ZNF114: variants seen among roughly 807,000 people sequenced by gnomAD.
ZNF114 encodes zinc finger protein 114.
ZNF114 carries 8 observed loss-of-function variants against 6.8 expected under a neutral mutation model. That is an observed-to-expected ratio of 1.18 (90% confidence interval 0.69 to 2.13). ZNF114 has a LOEUF of 2.13. Among genes scored for constraint, ZNF114 ranks in the 30% most tolerant of loss-of-function variants. The pLI is 0.00. For missense variants in ZNF114, 472 were observed against 519.5 expected, an observed-to-expected ratio of 0.91 and a Z score of 0.89; for synonymous variants, 169 against 185.5, an observed-to-expected ratio of 0.91 and a Z score of 0.72.
At chr19:48,285,734 T>C in intron 5 of ZNF114, 27 bp from the exon 6 acceptor site, 1 of 1,572,144 alleles carries the variant, frequency 6.4e-7, no homozygotes, top group Non-Finnish European at 8.6e-7. Context: ...CAACAAAGAA[T>C]TTAACTTTTG....
In ZNF114 at chr19:48,275,419, AAC is replaced by A. The variant is rs58275965; in HGVS notation, c.-70+3629_-70+3630del. 9.6e-3 allele frequency among the ~76,000 whole-genome samples: 1,277 copies of A among 133,150 alleles called. 13 individuals are homozygous for A. The highest frequency in any genetic ancestry group is 0.027 in the African/African-American group (908 of 33,424). 87.4% of individuals were successfully genotyped at this position (133,150 alleles called of 152,430 possible). A position where few individuals can be genotyped will look rare whatever the true frequency, so the allele number is the denominator to read the frequency against. On this transcript the variant is annotated intron_variant, in intron 3 of 5. Transcript: ENST00000595607. ...CATGATGAAGTCCTGTCTCTACTAA[AAC>A]ACACACACACACACACACACACACA...
At chr19:48,274,481 T>C (rs1172227125) in intron 3 of ZNF114, among the ~76,000 whole-genome samples, 89 of 63,044 alleles carry the variant, frequency 1.4e-3, no homozygotes, top group African/African-American at 4.3e-3. Flanking sequence ...GAAAAAAACT[T>C]TTATATATAT....
intron 3 of ZNF114, among the ~76,000 whole-genome samples, chr19:48,274,584 G>A (rs1329479191): frequency 6.7e-6 from 1 of 149,710 alleles, no homozygotes; most frequent in African/African-American, 2.5e-5. Flanking sequence ...TCGTCTCACC[G>A]CAACCTCTGC....
intron 3 of ZNF114, among the ~76,000 whole-genome samples, chr19:48,272,212 ACCAG>A (rs1293564568): frequency 6.6e-6 from 1 of 152,008 alleles, no homozygotes; most frequent in Non-Finnish European, 1.5e-5. Context: ...GGAGTTCGAG[ACCAG>A]CCTGGCCAAC....
Position 48,286,708 on chromosome 19 carries a change from GA to G in ZNF114, c.1086del (p.Glu362AspfsTer18). The G allele has an allele frequency of 6.2e-7, 1 of 1,613,502 alleles. No homozygotes were observed. Among genetic ancestry groups the G allele is most frequent in the South Asian group, 1.1e-5 (1 of 90,872 alleles). On this transcript the variant is annotated frameshift_variant, in exon 6 of 6. Transcript: ENST00000595607. LOFTEE classifies it low-confidence loss of function (END_TRUNC). ...GCATGTTGTGCAGAAGAAGCCCTAC[GA>G]ATGTGAAGAATGTGGGAAAGTCATT... The part of the protein sequence containing the change: ...RKHVVQKKPY[E>X]CEECGKVIRE...
chr19:48,272,699 G>A (rs1312517426), intron 3 of ZNF114, among the ~76,000 whole-genome samples: 182 of 74,802 alleles, frequency 2.4e-3, no homozygotes, highest in Non-Finnish European at 3.0e-3. Context: ...AAAAAAAAAA[G>A]TATTGGATTG....
At position 48,279,996 on chromosome 19, in the gene ZNF114, C is replaced by A. The variant is rs577808187; in HGVS notation, c.9+188C>A. Among the ~76,000 whole-genome samples, 15 of 152,218 alleles carry A rather than the reference C, an allele frequency of 9.9e-5. No individual in the cohort carries two copies. In the South Asian group the frequency reaches 2.5e-3, roughly 25 times the overall value. ...TGCCCTGGGGATTCTCCTGGGACCA[C>A]CCCCACCCCAGTACTGACTGGTCCT... On this transcript the variant is annotated intron_variant, in intron 4 of 5. Coordinates refer to ENST00000595607, the MANE Select transcript of ZNF114 (RefSeq NM_153608.4).
At chr19:48,281,687 C>G (rs886621121) in intron 4 of ZNF114, 3 of 150,288 alleles carry the variant, frequency 2.0e-5, no homozygotes, top group Admixed American at 1.3e-4. Context: ...CCCACACTCA[C>G]GGGTAATTTT....
chr19:48,271,995 A>G (rs745986880), intron 3 of ZNF114, among the ~76,000 whole-genome samples, 167 bp downstream of exon 3: 26 of 152,346 alleles, frequency 1.7e-4, no homozygotes, highest in Non-Finnish European at 2.8e-4. Flanking sequence ...ACCTTGGCCC[A>G]GGGAGAAGGG....
Position 48,286,089 on chromosome 19 carries a change from A to G in ZNF114, c.465A>G (p.Ser155=), listed in dbSNP as rs746579445. Residue 155 remains serine, a synonymous_variant, in exon 6 of 6, where the codon TCA becomes TCG. Transcript: ENST00000595607. The part of the protein sequence containing the change: ...SIRQCILTRD[S]SIFKYNPVLN... Reference sequence around the variant, plus strand: ...GACAATGTATCCTAACACGTGACTCAAGTATTTTCAAGTATAATCCTGTCT... The same window carrying G: ...GACAATGTATCCTAACACGTGACTCGAGTATTTTCAAGTATAATCCTGTCT... 3 of 1,614,126 alleles carry G rather than the reference A, an allele frequency of 1.9e-6. No individual in the cohort carries two copies. The highest frequency in any genetic ancestry group is 2.5e-6 in the Non-Finnish European group (3 of 1,180,046).
intron 3 of ZNF114, 109 bp from the exon 4 acceptor site, chr19:48,279,620 AGT>A (rs1967940259): frequency 3.0e-6 from 2 of 661,522 alleles, no homozygotes; most frequent in African/African-American, 3.6e-5. Context: ...GTGGTGGGGA[AGT>A]GTGTGCACAC....
At chr19:48,277,569 C>T (rs1967867395) in intron 3 of ZNF114, among the ~76,000 whole-genome samples, 1 of 152,072 alleles carries the variant, frequency 6.6e-6, no homozygotes. Flanking sequence ...CCATCAATTG[C>T]AATGATTCAC....
chr19:48,273,410 CTT>C (rs3077996), intron 3 of ZNF114, among the ~76,000 whole-genome samples: 39,102 of 145,272 alleles, frequency 0.27, 5,485 homozygotes, highest in East Asian at 0.41. Context: ...CGTTGTTTTT[CTT>C]TTTCTTTTCT....
rs779856166 is a variant in ZNF114, at chr19:48,286,497, C to G, written c.873C>G (p.Ser291=). Residue 291 remains serine (S), a synonymous_variant, in exon 6 of 6, where the codon TCC becomes TCG. Transcript: ENST00000595607. ...CAACCTCTGCCAACGCTCCAAATTCCGGTTCACACAAGAGTCATTGCACTG... is the reference window on the plus strand; with the variant it reads ...CAACCTCTGCCAACGCTCCAAATTCGGGTTCACACAAGAGTCATTGCACTG... ...TGATSANAPN[S]GSHKSHCTGE... 1 of 1,614,144 alleles carries G rather than the reference C, an allele frequency of 6.2e-7. No homozygotes were observed. Among genetic ancestry groups the G allele is most frequent in the South Asian group, 1.1e-5 (1 of 91,070 alleles).
At position 48,286,051 on chromosome 19, in the gene ZNF114, G is replaced by A; in HGVS notation, c.427G>A (p.Gly143Arg). 2 of 1,613,974 alleles carry A rather than the reference G, an allele frequency of 1.2e-6. No individual in the cohort carries two copies. Residue 143 changes from glycine (G) to arginine (R), a missense_variant, in exon 6 of 6, where the codon GGA becomes AGA. Coordinates refer to ENST00000595607, the MANE Select transcript of ZNF114 (RefSeq NM_153608.4). ...KPTCRLVPSQ[G>R]DSIRQCILTR... is the part of the protein sequence containing the mutation. The stretch of plus-strand genomic sequence containing the variant: ...TACCTGCAGGCTTGTGCCTTCACAG[G>A]GAGATTCCATAAGACAATGTATCCT...
chr19:48,270,657 AAAG>A lies in ZNF114; in HGVS notation c.-377+444_-377+446del, dbSNP rs767433206. On this transcript the variant is annotated intron_variant, in intron 1 of 5. Transcript: ENST00000595607. ...AGGAGGAAGGGAGAGAGAGAAAGAAAAAGAAGAAAGAAAGAGAAAAAAGGAAGG... is the reference window on the plus strand; with the variant it reads ...AGGAGGAAGGGAGAGAGAGAAAGAAAAAGAAAGAAAGAGAAAAAAGGAAGG... Among the ~76,000 whole-genome samples, 451 of 141,888 alleles carry A rather than the reference AAAG, an allele frequency of 3.2e-3. 2 individuals carry two copies. Among genetic ancestry groups the A allele is most frequent in the South Asian group, 0.012 (49 of 4,240 alleles). 93.1% of individuals were successfully genotyped at this position (141,888 alleles called of 152,430 possible). A position where few individuals can be genotyped will look rare whatever the true frequency, so the allele number is the denominator to read the frequency against.
rs202195426 is a variant in ZNF114 at position 48,286,406 on chromosome 19, C to G, written c.782C>G (p.Ser261Ter). The G allele has an allele frequency of 5.0e-5, 81 of 1,614,128 alleles. 1 individual carries two copies. In the East Asian group the frequency reaches 5.6e-4, roughly 11 times the overall value. ...TGCGAGAACACCTCCAGAAATAACT[C>G]AATTCACGCCATGCAGATGCAGTTG... ...TQCENTSRNNSIHAMQMQLYT... is the reference protein window; with the variant it reads ...TQCENTSRNN The change falls in exon 6 of 6, where the codon TCA becomes TGA. Residue 261 changes from serine (S) to a stop codon, truncating the protein, a stop_gained. Coordinates refer to ENST00000595607, the MANE Select transcript of ZNF114 (RefSeq NM_153608.4). LOFTEE classifies it low-confidence loss of function (END_TRUNC).
chr19:48,272,040 G>A (rs1967672152), intron 3 of ZNF114, among the ~76,000 whole-genome samples: 1 of 152,226 alleles, frequency 6.6e-6, no homozygotes, highest in Non-Finnish European at 1.5e-5. Flanking sequence ...CGTTGCGAAA[G>A]CGCCTGTCCC....
chr19:48,279,450 G>A (rs1158627435), intron 3 of ZNF114, among the ~76,000 whole-genome samples: 2 of 115,452 alleles, frequency 1.7e-5, no homozygotes, highest in Non-Finnish European at 3.7e-5. Flanking sequence ...TGTGGGGGGC[G>A]GGGGTGGGGG....
Sources: allele counts gnomAD v4.1 joint callset (sites outside exome capture counted in the v4.1 genomes callset), GRCh38; gene constraint gnomAD v4.1.1; transcripts MANE v1.5; gene names NCBI Gene and HGNC (gene_info 2026-07-23, HGNC 2026-07-21).